Variants in FBXL14 observed in about 807,000 individuals in gnomAD.
FBXL14 encodes F-box and leucine rich repeat protein 14, also known as F-box/LRR-repeat protein 14.
In FBXL14, 11 loss-of-function variants were observed where a neutral mutation model predicts 24.5. The observed-to-expected ratio is 0.45, with a 90% CI of 0.28 to 0.74. The LOEUF is 0.74. Ranked by LOEUF, FBXL14 falls within the 30% of genes least tolerant of loss-of-function variation. The probability of loss-of-function intolerance (pLI) is 0.12; values close to 1 mark genes in which losing one functional copy is unlikely to be tolerated. For synonymous variants in FBXL14, 294 were observed against 240.4 expected, an observed-to-expected ratio of 1.22 and a Z score of -2.06; for missense variants, 384 against 545.6, an observed-to-expected ratio of 0.70 and a Z score of 2.95.
At chr12:1,580,775 A>T (rs1592470247) in intron 1 of FBXL14, among the ~76,000 whole-genome samples, 1 of 152,128 alleles carries the variant, frequency 6.6e-6, no homozygotes, top group East Asian at 1.9e-4. Context: ...AAAGCTGTTG[A>T]GCTGCAAGTG....
intron 1 of FBXL14, among the ~76,000 whole-genome samples, chr12:1,568,547 A>C (rs2094439904): frequency 6.6e-6 from 1 of 152,234 alleles, no homozygotes; most frequent in Non-Finnish European, 1.5e-5. Flanking sequence ...TGTTCAAAGT[A>C]ATAACAACAA....
rs375222753 is a variant in FBXL14 at position 1,576,118 on chromosome 12, TAA to T, written c.1195-9310_1195-9309del. 1.6e-3 allele frequency among the ~76,000 whole-genome samples: 241 copies of T among 152,308 alleles called. 2 individuals are homozygous for T. Among genetic ancestry groups the T allele is most frequent in the African/African-American group, 5.5e-3 (230 of 41,570 alleles). On this transcript the variant is annotated intron_variant, in intron 1 of 1. Transcript: ENST00000339235. Reference sequence around the variant, plus strand: ...TTCTTCCCACAAACGCTTTATCTAATAAAACAAAATTACTGCAGATGAAGCAG... The same window carrying T: ...TTCTTCCCACAAACGCTTTATCTAATAACAAAATTACTGCAGATGAAGCAG...
chr12:1,589,536 G>A (rs1309525168), intron 1 of FBXL14, among the ~76,000 whole-genome samples: 1 of 151,854 alleles, frequency 6.6e-6, no homozygotes. Context: ...TTGAATCCTG[G>A]CTCCCTCACT....
intron 1 of FBXL14, among the ~76,000 whole-genome samples, chr12:1,577,028 A>G (rs946492840): frequency 2.6e-5 from 4 of 152,158 alleles, no homozygotes; most frequent in Non-Finnish European, 4.4e-5. Context: ...TGTGTTACTG[A>G]TAAAGCCAGC....
chr12:1,577,860 TAGG>T lies in FBXL14; in HGVS notation c.1195-11053_1195-11051del, dbSNP rs554855053. ...ACAACAAAGGCTAAACATATTTGAG[TAGG>T]AGTTCAGGGTAGACACGCTCTTGGA... On this transcript the variant is annotated intron_variant, in intron 1 of 1. Coordinates refer to ENST00000339235, the MANE Select transcript of FBXL14 (RefSeq NM_152441.3). Among the ~76,000 whole-genome samples, 48 of 152,216 alleles carry T rather than the reference TAGG, an allele frequency of 3.2e-4. 2 individuals carry two copies. In the South Asian group the frequency reaches 9.7e-3, roughly 31 times the overall value.
rs1483048554 is a variant in FBXL14 at position 1,591,342 on chromosome 12, CTGT to C, written c.1194+1528_1194+1530del. Among the ~76,000 whole-genome samples the C allele has an allele frequency of 5.6e-4, 53 of 94,184 alleles. 1 individual carries two copies. The highest frequency in any genetic ancestry group is 2.2e-3 in the African/African-American group (50 of 22,272). 61.8% of individuals were successfully genotyped at this position (94,184 alleles called of 152,430 possible). A position where few individuals can be genotyped will look rare whatever the true frequency, so the allele number is the denominator to read the frequency against. ...TTAAAAATAATTCGCAGATACAAGG[CTGT>C]TGTTTTTTTTTTTTTTTTCAAAAAC... On this transcript the variant is annotated intron_variant, in intron 1 of 1. Transcript: ENST00000339235.
At chr12:1,588,914 C>T (rs2094482441) in intron 1 of FBXL14, among the ~76,000 whole-genome samples, 1 of 151,740 alleles carries the variant, frequency 6.6e-6, no homozygotes, top group Non-Finnish European at 1.5e-5. Flanking sequence ...TGGCGGGGAT[C>T]AACTTTTCAT....
Position 1,582,420 on chromosome 12 carries a change from T to C in FBXL14, c.1194+10453A>G, listed in dbSNP as rs140536326. Among the ~76,000 whole-genome samples the C allele has an allele frequency of 1.8e-3, 271 of 152,188 alleles. 4 individuals carry two copies. Among genetic ancestry groups the C allele is most frequent in the African/African-American group, 6.4e-3 (265 of 41,538 alleles). ...ATTCTGGCTCCTCAGCCAGCCCCGT[T>C]TTCTTCTTCTTGGCTTTGTGCAGGG... is the stretch of plus-strand genomic sequence containing the variant. On this transcript the variant is annotated intron_variant, in intron 1 of 1. Coordinates refer to ENST00000339235, the MANE Select transcript of FBXL14 (RefSeq NM_152441.3).
intron 1 of FBXL14, among the ~76,000 whole-genome samples, chr12:1,571,311 C>T (rs564641661): frequency 4.6e-5 from 7 of 152,226 alleles, no homozygotes; most frequent in South Asian, 4.1e-4. Flanking sequence ...CAGGTTCAAG[C>T]GATTCTCCTG....
intron 1 of FBXL14, among the ~76,000 whole-genome samples, chr12:1,586,563 C>T (rs1224379201): frequency 6.6e-6 from 1 of 152,130 alleles, no homozygotes; most frequent in Non-Finnish European, 1.5e-5. Context: ...CTGTGAGCCG[C>T]CTCCATGCTG....
rs1394310659 is a variant in FBXL14, at chr12:1,592,915, C to T, written c.1152G>A (p.Lys384=). Residue 384 remains lysine, a synonymous_variant, in exon 1 of 2, where the codon AAG becomes AAA. Coordinates refer to ENST00000339235, the MANE Select transcript of FBXL14 (RefSeq NM_152441.3). The part of the protein sequence containing the change: ...LERITQLPCL[K]VLNLGLWQMT... Reference sequence around the variant, plus strand: ...TCTGCCAGAGTCCCAGGTTGAGTACCTTGAGGCACGGCAGCTGCGTGATGC... The same window carrying T: ...TCTGCCAGAGTCCCAGGTTGAGTACTTTGAGGCACGGCAGCTGCGTGATGC... The T allele has an allele frequency of 1.9e-6, 3 of 1,604,534 alleles. No individual in the cohort carries two copies. The highest frequency in any genetic ancestry group is 1.1e-5 in the South Asian group (1 of 89,898).
chr12:1,578,720 T>TA (rs1386460711), intron 1 of FBXL14, among the ~76,000 whole-genome samples: 1 of 152,050 alleles, frequency 6.6e-6, no homozygotes, highest in Non-Finnish European at 1.5e-5. Flanking sequence ...TGATGAAGAC[T>TA]AAAATAACGA....
rs1359377445 is a variant in FBXL14, at chr12:1,579,582, C to T, written c.1195-12772G>A. Among the ~76,000 whole-genome samples, 1 of 150,730 alleles carries T rather than the reference C, an allele frequency of 6.6e-6. No homozygotes were observed. The highest frequency in any genetic ancestry group is 1.9e-4 in the East Asian group (1 of 5,158). On this transcript the variant is annotated intron_variant, in intron 1 of 1. Coordinates refer to ENST00000339235, the MANE Select transcript of FBXL14 (RefSeq NM_152441.3). This position sits in a 1 kb window ranked among gnomAD's most constrained non-coding sequence, Gnocchi z 4.3. The stretch of plus-strand genomic sequence containing the variant: ...GAGCCGAGATCGCACCATTGCACTC[C>T]AGTCTCGGTGATAGGGTGAGACTCC...
chr12:1,572,557 G>A (rs2094447169), intron 1 of FBXL14, among the ~76,000 whole-genome samples: 1 of 152,240 alleles, frequency 6.6e-6, no homozygotes, highest in South Asian at 2.1e-4. Flanking sequence ...CATTCCCAGA[G>A]AGGCCGTGGT....
At chr12:1,575,481 T>C (rs1210760597) in intron 1 of FBXL14, among the ~76,000 whole-genome samples, 1 of 152,224 alleles carries the variant, frequency 6.6e-6, no homozygotes, top group African/African-American at 2.4e-5. Flanking sequence ...ACACTGACAC[T>C]GTGCCGTTCG....
At chr12:1,588,786 AT>A (rs1174366233) in intron 1 of FBXL14, among the ~76,000 whole-genome samples, 1 of 151,978 alleles carries the variant, frequency 6.6e-6, no homozygotes, top group Non-Finnish European at 1.5e-5. Flanking sequence ...TTTTTCTGTT[AT>A]TCTAAGAACT....
intron 1 of FBXL14, among the ~76,000 whole-genome samples, chr12:1,572,735 A>G (rs538405320): frequency 8.5e-5 from 13 of 152,302 alleles, no homozygotes; most frequent in Admixed American, 8.5e-4. Flanking sequence ...CCCACTGGAG[A>G]TTGTGACCGG....
rs1457358044 is a variant in FBXL14, at chr12:1,594,542, G to C, written c.-476C>G. 6.8e-6 allele frequency among the ~76,000 whole-genome samples: 1 copy of C among 148,078 alleles called. No individual in the cohort carries two copies. Among genetic ancestry groups the C allele is most frequent in the Non-Finnish European group, 1.5e-5 (1 of 66,372 alleles). On this transcript the variant is annotated 5_prime_UTR_variant, in exon 1 of 2. Transcript: ENST00000339235. Reference sequence around the variant, plus strand: ...GCCGGGCGCACGGGCTCCGGGCGCGGAGGAGGCTTCCTGCTGCCTTTGTCT... The same window carrying C: ...GCCGGGCGCACGGGCTCCGGGCGCGCAGGAGGCTTCCTGCTGCCTTTGTCT...
At chr12:1,572,520 G>A (rs1344770830) in intron 1 of FBXL14, among the ~76,000 whole-genome samples, 2 of 152,238 alleles carry the variant, frequency 1.3e-5, no homozygotes, top group African/African-American at 4.8e-5. Context: ...CCATATGCTA[G>A]TAGACCCAGG....
Sources: gnomAD v4.1 joint callset for allele counts (sites outside exome capture counted in the v4.1 genomes callset) on GRCh38, gnomAD v4.1.1 for gene constraint, Gnocchi (gnomAD v3.1) non-coding constraint, MANE v1.5 for transcripts, NCBI Gene and HGNC (gene_info 2026-07-23, HGNC 2026-07-21) for gene names.